NFYC: variants seen among roughly 807,000 people sequenced by gnomAD.
The protein encoded by NFYC is CAAT box DNA-binding protein subunit C.
Under a neutral mutation model 53.1 loss-of-function variants are expected in NFYC, and 25 were observed. The ratio of observed to expected loss-of-function variants is 0.47; its 90% CI spans 0.34 to 0.66. The LOEUF is 0.66. Ranked by LOEUF, NFYC falls within the 30% of genes least tolerant of loss-of-function variation. The pLI is 0.01. For missense variants in NFYC, 260 were observed against 422.7 expected, an observed-to-expected ratio of 0.62 and a Z score of 3.38; for synonymous variants, 145 against 152.6, an observed-to-expected ratio of 0.95 and a Z score of 0.37.
rs114423059 is a variant in NFYC at position 40,759,421 on chromosome 1, A to G, written c.561+1127A>G. On this transcript the variant is annotated intron_variant, in intron 6 of 9. Coordinates refer to ENST00000447388, the MANE Select transcript of NFYC (RefSeq NM_014223.5). Reference sequence around the variant, plus strand: ...CATGGTGGCATGCTCTTATGGCCCCAGCTACTTAAGAGGCTGAGTTGGGAG... The same window carrying G: ...CATGGTGGCATGCTCTTATGGCCCCGGCTACTTAAGAGGCTGAGTTGGGAG... 6.0e-3 allele frequency among the ~76,000 whole-genome samples: 918 copies of G among 152,156 alleles called. 9 individuals carry two copies. The highest frequency in any genetic ancestry group is 0.021 in the African/African-American group (870 of 41,502).
At chr1:40,738,737 A>C in intron 1 of NFYC, 99 bp from the exon 2 acceptor site, 1 of 790,156 alleles carries the variant, frequency 1.3e-6, no homozygotes. Context: ...AAGATTGAAT[A>C]GATTCATAAA....
At position 40,764,406 on chromosome 1, in the gene NFYC, G is replaced by A. The variant is rs528999557; in HGVS notation, c.720+1360G>A. 9.2e-5 allele frequency among the ~76,000 whole-genome samples: 14 copies of A among 152,266 alleles called. 1 individual carries two copies. The South Asian group carries it at 1.4e-3, about 16-fold the overall frequency. ...ATGTCTCTTTCTCTACCTCTCTCAC[G>A]TGTGCTTACGATACCCAGGATTGCA... On this transcript the variant is annotated intron_variant, in intron 7 of 9. Coordinates refer to ENST00000447388, the MANE Select transcript of NFYC (RefSeq NM_014223.5).
intron 1 of NFYC, among the ~76,000 whole-genome samples, chr1:40,710,795 C>G (rs1643904850): frequency 6.6e-6 from 1 of 152,130 alleles, no homozygotes; most frequent in South Asian, 2.1e-4. Context: ...AATGATATAG[C>G]AAGTCAAAGT....
intron 8 of NFYC, chr1:40,767,198 G>T: frequency 1.9e-6 from 1 of 532,618 alleles, no homozygotes; most frequent in South Asian, 2.0e-5. Context: ...GTCACAGATG[G>T]TGAGGGGGCT....
intron 1 of NFYC, chr1:40,735,660 G>A (rs1295786823): frequency 1.0e-6 from 1 of 985,270 alleles, no homozygotes; most frequent in African/African-American, 1.7e-5. Flanking sequence ...ATATCGTCCT[G>A]GCAATTGTGC....
At chr1:40,725,401 C>T (rs1334008236) in intron 1 of NFYC, among the ~76,000 whole-genome samples, 2 of 152,202 alleles carry the variant, frequency 1.3e-5, no homozygotes, top group African/African-American at 2.4e-5. Flanking sequence ...AGGCAGCAAG[C>T]GTCCAGTACA....
intron 1 of NFYC, among the ~76,000 whole-genome samples, chr1:40,726,659 C>G (rs1179665032): frequency 6.6e-6 from 1 of 152,156 alleles, no homozygotes; most frequent in African/African-American, 2.4e-5. Context: ...TGAAGTGATC[C>G]TCTTGCCCTA....
chr1:40,700,387 G>A (rs568806218), intron 1 of NFYC, among the ~76,000 whole-genome samples: 3 of 151,958 alleles, frequency 2.0e-5, no homozygotes, highest in South Asian at 2.1e-4. Flanking sequence ...TCTTGCCCAC[G>A]CTGGAGTGAG....
At chr1:40,747,083 G>A (rs980052390) in intron 2 of NFYC, among the ~76,000 whole-genome samples, 3 of 152,096 alleles carry the variant, frequency 2.0e-5, no homozygotes, top group African/African-American at 4.8e-5. Context: ...CAAGTGCCCC[G>A]GCGTTGCTGT....
intron 1 of NFYC, among the ~76,000 whole-genome samples, chr1:40,736,553 C>A (rs989641436): frequency 3.9e-5 from 6 of 152,110 alleles, no homozygotes; most frequent in Non-Finnish European, 7.4e-5. Context: ...GCACGTTAAA[C>A]CTTTTCAAAT....
At chr1:40,748,278 C>T (rs1329312849) in intron 3 of NFYC, among the ~76,000 whole-genome samples, 4 of 151,926 alleles carry the variant, frequency 2.6e-5, no homozygotes, top group Non-Finnish European at 5.9e-5. Context: ...ACTACAGGCA[C>T]GTGCCATCAT....
At chr1:40,721,458 T>C (rs1394578516) in intron 1 of NFYC, 6 of 152,250 alleles carry the variant, frequency 3.9e-5, no homozygotes, top group Admixed American at 3.3e-4. Context: ...AGGTTTCCTC[T>C]ACCCTCTAAC....
chr1:40,724,663 T>C (rs909462320), intron 1 of NFYC, among the ~76,000 whole-genome samples: 5 of 152,232 alleles, frequency 3.3e-5, no homozygotes, highest in African/African-American at 1.2e-4. Flanking sequence ...AGTTTTCAAA[T>C]GTTCTGTTCA....
chr1:40,700,595 C>G (rs945358475), intron 1 of NFYC, among the ~76,000 whole-genome samples: 1 of 152,104 alleles, frequency 6.6e-6, no homozygotes, highest in African/African-American at 2.4e-5. Context: ...ATCCTCCCAC[C>G]TTGGCCTCCC....
intron 1 of NFYC, chr1:40,695,763 A>G (rs1643098876): frequency 6.6e-6 from 1 of 152,162 alleles, no homozygotes; most frequent in Non-Finnish European, 1.5e-5. Context: ...TGAAATTTAT[A>G]TCTTTTAGTT....
chr1:40,746,467 G>A (rs561080841), intron 2 of NFYC, among the ~76,000 whole-genome samples: 5 of 152,124 alleles, frequency 3.3e-5, no homozygotes, highest in African/African-American at 1.2e-4. Context: ...GTTCACTTAT[G>A]CTTGTTAATT....
chr1:40,705,538 C>A (rs927123228), intron 1 of NFYC, among the ~76,000 whole-genome samples: 4 of 152,134 alleles, frequency 2.6e-5, no homozygotes, highest in African/African-American at 9.7e-5. Flanking sequence ...GTCTCACAAC[C>A]CCTTCAAATT....
At chr1:40,725,214 CCTTCT>C (rs1416474988) in intron 1 of NFYC, among the ~76,000 whole-genome samples, 4 of 152,138 alleles carry the variant, frequency 2.6e-5, no homozygotes, top group African/African-American at 9.7e-5. Context: ...GACTATTGAA[CCTTCT>C]CTTCTCTCTA....
intron 1 of NFYC, among the ~76,000 whole-genome samples, chr1:40,697,357 A>G (rs563329095): frequency 6.6e-6 from 1 of 152,346 alleles, no homozygotes; most frequent in Non-Finnish European, 1.5e-5. Context: ...CAACCACTTG[A>G]CATGAAGTAA....
Sources: gnomAD v4.1 joint callset for allele counts (sites outside exome capture counted in the v4.1 genomes callset) on GRCh38, gnomAD v4.1.1 for gene constraint, MANE v1.5 for transcripts, NCBI Gene and HGNC (gene_info 2026-07-23, HGNC 2026-07-21) for gene names.